SLC6A14: variants seen among roughly 807,000 people sequenced by gnomAD.
The protein encoded by SLC6A14 is sodium- and chloride-dependent neutral and basic amino acid transporter B(0+).
SLC6A14 carries 21 observed loss-of-function variants against 51.4 expected under a neutral mutation model. The observed-to-expected ratio is 0.41, with a 90% CI of 0.29 to 0.59. The LOEUF (loss-of-function observed/expected upper bound fraction) is 0.59, where lower values mean the gene tolerates loss of function less well. Among genes scored for constraint, SLC6A14 ranks in the 20% least tolerant of loss-of-function variants. The pLI is 0.31. For missense variants in SLC6A14, 371 were observed against 472.8 expected (o/e 0.78, Z 2.00); for synonymous variants, 177 against 160.7 (o/e 1.10, Z -0.77).
At chrX:116,441,411 C>T (rs1272504756) in intron 3 of SLC6A14, among the ~76,000 whole-genome samples, 1 of 112,165 alleles carries the variant, frequency 8.9e-6, no homozygotes, top group Non-Finnish European at 1.9e-5. Context: ...GGCACATAGT[C>T]TCATGCTCTA....
rs781871623 is a variant in SLC6A14, at chrX:116,440,239, G to T, written c.215-727G>T. On this transcript the variant is annotated intron_variant, in intron 2 of 13. Coordinates refer to ENST00000598581, the MANE Select transcript of SLC6A14 (RefSeq NM_007231.5). ...GTTAAAAGGATGGGGGAGGTGAATT[G>T]TCTAGTGTGGGAGAATTATTCCTTG... 7.1e-5 allele frequency among the ~76,000 whole-genome samples: 8 copies of T among 112,124 alleles called. No homozygotes were observed. In the East Asian group the frequency reaches 2.2e-3, roughly 31 times the overall value.
chrX:116,438,058 T>C, intron 2 of SLC6A14, 103 bp downstream of exon 2: 2 of 609,628 alleles, frequency 3.3e-6, no homozygotes, highest in Non-Finnish European at 5.0e-6. Flanking sequence ...AAGGAAGGCA[T>C]ATGACAGTTG....
rs1556693811 is a variant in SLC6A14, at chrX:116,443,750, A to C, written c.616A>C (p.Ile206Leu). ...TTTTACCTGCATCAACGGCAGTGAA[A>C]TTTATCAGCCAGGGCAGCTTCCCAG... The part of the protein sequence containing the change: ...NNFTCINGSE[I>L]YQPGQLPSEQ... The change falls in exon 5 of 14, where the codon ATT (isoleucine) becomes CTT (leucine). Residue 206 changes from isoleucine to leucine, a missense_variant. By Grantham distance (5) the Ile-to-Leu change is conservative (BLOSUM62 2). This residue lies in a region of SLC6A14 where 277 missense variants were observed against 391.8 expected (regional missense o/e 0.71). Transcript: ENST00000598581. 13 of 1,207,977 alleles carry C rather than the reference A, an allele frequency of 1.1e-5. No individual in the cohort carries two copies. Among genetic ancestry groups the C allele is most frequent in the Non-Finnish European group, 1.5e-5 (13 of 893,448 alleles).
In SLC6A14 at chrX:116,436,715, C is replaced by A. The variant is rs1556693305; in HGVS notation, c.6C>A (p.Asp2Glu). 1.7e-6 allele frequency: 2 copies of A among 1,165,160 alleles called. No homozygotes were observed. Among genetic ancestry groups the A allele is most frequent in the Non-Finnish European group, 2.3e-6 (2 of 871,647 alleles). ...GCCAGCCGAGGGAGTGAACCATGGA[C>A]AAGTTGAAATGCCCGAGTTTCTTCA... M[D>E]KLKCPSFFKC... The change falls in exon 1 of 14, where the codon GAC becomes GAA. Residue 2 changes from aspartate to glutamate, a missense_variant. By Grantham distance (45) the Asp-to-Glu change is conservative. Coordinates refer to ENST00000598581, the MANE Select transcript of SLC6A14 (RefSeq NM_007231.5).
At position 116,457,729 on chromosome X, in the gene SLC6A14, A is replaced by G. The variant is rs1927961058; in HGVS notation, c.1735A>G (p.Ile579Val). ...TGTTTTCTGCATTATTTGGATTCCAATTATGGCTATCATAAAAATAATTCA... is the reference window on the plus strand; with the variant it reads ...TGTTTTCTGCATTATTTGGATTCCAGTTATGGCTATCATAAAAATAATTCA... ...MIVFCIIWIP[I>V]MAIIKIIQAK... Residue 579 changes from isoleucine (I) to valine (V), a missense_variant, in exon 13 of 14, where the codon ATT becomes GTT. This residue lies in a region of SLC6A14 where 94 missense variants were observed against 81.0 expected (regional missense o/e 1.16). Coordinates refer to ENST00000598581, the MANE Select transcript of SLC6A14 (RefSeq NM_007231.5). 3.3e-6 allele frequency: 4 copies of G among 1,200,232 alleles called. No homozygotes were observed. The African/African-American group carries it at 5.3e-5, about 16-fold the overall frequency.
chrX:116,451,393 TA>T (rs782726794), intron 7 of SLC6A14, 48 bp from the exon 8 acceptor site: 12 of 909,475 alleles, frequency 1.3e-5, no homozygotes, highest in Admixed American at 2.8e-5. Flanking sequence ...TTTACACAAA[TA>T]AAAAATTGAG....
At chrX:116,452,097 T>C (rs1354618074) in intron 8 of SLC6A14, among the ~76,000 whole-genome samples, 1 of 111,949 alleles carries the variant, frequency 8.9e-6, no homozygotes, top group Non-Finnish European at 1.9e-5. Flanking sequence ...CTCCCTAACT[T>C]TACGGATATT....
intron 6 of SLC6A14, among the ~76,000 whole-genome samples, chrX:116,445,953 A>G (rs1329186621): frequency 9.1e-6 from 1 of 110,411 alleles, no homozygotes; most frequent in Non-Finnish European, 1.9e-5. Context: ...ACTTTCCAAA[A>G]TGTTTTAGTT....
chrX:116,460,436 G>T lies in SLC6A14; in HGVS notation c.*1481G>T, dbSNP rs782532348. On this transcript the variant is annotated 3_prime_UTR_variant, in exon 14 of 14. Transcript: ENST00000598581. Reference sequence around the variant, plus strand: ...TAATTTATACTGGTAACTTATTTAGGGGGGAGGGGACATGAAGGTAGGTAA... The same window carrying T: ...TAATTTATACTGGTAACTTATTTAGTGGGGAGGGGACATGAAGGTAGGTAA... The T allele has an allele frequency of 2.7e-5, 3 of 111,216 alleles. No homozygotes were observed. The highest frequency in any genetic ancestry group is 5.7e-5 in the Non-Finnish European group (3 of 53,028). The allele number at this position is 111,216 out of a possible 1,213,427, so 9.2% of individuals were successfully genotyped here. A position where few individuals can be genotyped will look rare whatever the true frequency, so the allele number is the denominator to read the frequency against.
chrX:116,452,750 A>C (rs1363108635), intron 8 of SLC6A14, among the ~76,000 whole-genome samples: 1 of 111,933 alleles, frequency 8.9e-6, no homozygotes, highest in Non-Finnish European at 1.9e-5. Context: ...AACTATTAAA[A>C]GAATTAAAAT....
At chrX:116,457,578 A>T in intron 12 of SLC6A14, 31 bp from the exon 13 acceptor site, 1 of 1,171,379 alleles carries the variant, frequency 8.5e-7, no homozygotes. Context: ...TCTAATCTTT[A>T]GCTTTGTCTT....
intron 6 of SLC6A14, among the ~76,000 whole-genome samples, chrX:116,445,502 GA>G (rs1927694429): frequency 1.1e-5 from 1 of 89,256 alleles, no homozygotes; most frequent in African/African-American, 4.1e-5. Flanking sequence ...GAGAGAGAGA[GA>G]GAAATGTGTG....
chrX:116,446,959 T>A (rs782113103), intron 7 of SLC6A14, 78 bp downstream of exon 7: 2 of 874,762 alleles, frequency 2.3e-6, no homozygotes, highest in South Asian at 4.8e-5. Context: ...TGGTTCCATA[T>A]GAATATCATA....
intron 2 of SLC6A14, 91 bp from the exon 3 acceptor site, chrX:116,440,875 C>T (rs1200633162): frequency 1.7e-5 from 17 of 976,420 alleles, no homozygotes; most frequent in Non-Finnish European, 2.4e-5. Flanking sequence ...TCCAATATAT[C>T]AGGATGCTTT....
rs1478545755 is a variant in SLC6A14, at chrX:116,461,099, G to A, written c.*2144G>A. On this transcript the variant is annotated 3_prime_UTR_variant, in exon 14 of 14. Coordinates refer to ENST00000598581, the MANE Select transcript of SLC6A14 (RefSeq NM_007231.5). ...TCTATAGGTGACTTTTGCAATTCAG[G>A]GAAGATTTGGGCATATTAAATGAAA... is the stretch of plus-strand genomic sequence containing the variant. 9.0e-6 allele frequency: 1 copy of A among 111,665 alleles called. No individual in the cohort carries two copies. The highest frequency in any genetic ancestry group is 1.9e-5 in the Non-Finnish European group (1 of 53,128). The allele number at this position is 111,665 out of a possible 1,213,427, so 9.2% of individuals were successfully genotyped here.
intron 12 of SLC6A14, among the ~76,000 whole-genome samples, chrX:116,455,775 T>TA (rs1413523969): frequency 9.0e-6 from 1 of 111,254 alleles, no homozygotes; most frequent in East Asian, 2.8e-4. Flanking sequence ...GCTCATTCCC[T>TA]AAAAAAATAT....
intron 7 of SLC6A14, 62 bp downstream of exon 7, chrX:116,446,943 C>T: frequency 1.0e-6 from 1 of 986,271 alleles, no homozygotes; most frequent in Non-Finnish European, 1.4e-6. Flanking sequence ...AAATGCCAAA[C>T]ATCTTTGGTT....
chrX:116,437,806 C>G lies in SLC6A14; in HGVS notation c.65C>G (p.Ser22Ter), dbSNP rs1156847652. 8.3e-7 allele frequency: 1 copy of G among 1,202,681 alleles called. No homozygotes were observed. The highest frequency in any genetic ancestry group is 1.1e-6 in the Non-Finnish European group (1 of 891,953). Residue 22 changes from serine to a stop codon, truncating the protein, a stop_gained, in exon 2 of 14, where the codon TCA becomes TGA. Transcript: ENST00000598581. LOFTEE classifies it high-confidence loss of function. ...CREKEKVSAS[S>*]ENFHVGENDE... ...CTTCCCCAGAAAGTGTCGGCTTCAT[C>G]AGAGAATTTCCATGTTGGTGAAAAT...
Position 116,455,478 on chromosome X carries a change from T to C in SLC6A14, c.1614+12T>C, listed in dbSNP as rs782308784. ...CTATCCTTTTGATTGTAAGTAATAA[T>C]ACACCATGAACTTGATTTCGATAAT... On this transcript the variant is annotated intron_variant, in intron 12 of 13. Coordinates refer to ENST00000598581, the MANE Select transcript of SLC6A14 (RefSeq NM_007231.5). 18 of 1,044,868 alleles carry C rather than the reference T, an allele frequency of 1.7e-5. No individual in the cohort carries two copies. Among genetic ancestry groups the C allele is most frequent in the Non-Finnish European group, 2.4e-5 (18 of 745,226 alleles). 86.1% of individuals were successfully genotyped at this position (1,044,868 alleles called of 1,213,427 possible). A position where few individuals can be genotyped will look rare whatever the true frequency, so the allele number is the denominator to read the frequency against.
Sources: allele counts gnomAD v4.1 joint callset (sites outside exome capture counted in the v4.1 genomes callset), GRCh38; gene constraint gnomAD v4.1.1; regional missense constraint gnomAD v4.1.1; transcripts MANE v1.5; gene names NCBI Gene and HGNC (gene_info 2026-07-23, HGNC 2026-07-21).